Variants in NAALADL2 observed in about 807,000 individuals in gnomAD.
NAALADL2 encodes N-acetylated alpha-linked acidic dipeptidase like 2.
NAALADL2 carries 76 observed loss-of-function variants against 87.2 expected under a neutral mutation model. The observed-to-expected ratio is 0.87, with a 90% CI of 0.72 to 1.05. The LOEUF is 1.05. NAALADL2 is among the 50% of genes least tolerant of loss of function. The pLI is 0.00. For synonymous variants in NAALADL2, 354 were observed against 331.0 expected (o/e 1.07, Z -0.75); for missense variants, 1,089 against 945.8 (o/e 1.15, Z -1.99).
At chr3:175,422,491 C>A (rs1715869837) in intron 5 of NAALADL2, among the ~76,000 whole-genome samples, 1 of 151,924 alleles carries the variant, frequency 6.6e-6, no homozygotes, top group South Asian at 2.1e-4. Context: ...ATCAAAATAA[C>A]CTTACATAAA....
chr3:175,783,854 CT>C (rs1328893540), intron 13 of NAALADL2, among the ~76,000 whole-genome samples: 2 of 146,550 alleles, frequency 1.4e-5, no homozygotes, highest in Non-Finnish European at 2.9e-5. Context: ...ATAGATAGCT[CT>C]TATTATTTTG....
chr3:174,463,871 T>G (rs1716363891), intron 1 of NAALADL2, among the ~76,000 whole-genome samples: 1 of 152,150 alleles, frequency 6.6e-6, no homozygotes. Flanking sequence ...ATGCTGGGAT[T>G]ACAGGTGTGA....
chr3:175,079,578 TACTA>T (rs969278611), intron 1 of NAALADL2: 11 of 152,344 alleles, frequency 7.2e-5, no homozygotes, highest in Admixed American at 2.0e-4. Flanking sequence ...GCATCCAAAT[TACTA>T]ACTATCTGGG....
intron 6 of NAALADL2, 128 bp downstream of exon 6, chr3:175,447,500 T>C: frequency 1.7e-6 from 1 of 595,242 alleles, no homozygotes; most frequent in Non-Finnish European, 2.6e-6. Flanking sequence ...GAAGTGAGCA[T>C]TATTTTCTTC....
chr3:174,803,614 A>C (rs1432021361), intron 3 of NAALADL2, among the ~76,000 whole-genome samples: 1 of 152,138 alleles, frequency 6.6e-6, no homozygotes, highest in Non-Finnish European at 1.5e-5. Context: ...TCTTACATTT[A>C]AGTCTTTAAT....
intron 2 of NAALADL2, among the ~76,000 whole-genome samples, chr3:175,146,215 A>G (rs1426706789): frequency 1.3e-5 from 2 of 152,116 alleles, no homozygotes; most frequent in Non-Finnish European, 2.9e-5. Context: ...CTTCATACAA[A>G]ATAAATTCAA....
At chr3:174,556,010 C>T (rs28505647) in intron 2 of NAALADL2, among the ~76,000 whole-genome samples, 7,001 of 77,456 alleles carry the variant, frequency 0.09, 195 homozygotes, top group Non-Finnish European at 0.11. Context: ...TGTGTGTGTG[C>T]GCGCACGTGA....
intron 5 of NAALADL2, among the ~76,000 whole-genome samples, chr3:175,354,879 T>TACACACACAC (rs879346024): frequency 3.4e-5 from 4 of 116,928 alleles, no homozygotes; most frequent in African/African-American, 1.2e-4. Flanking sequence ...CATACATATA[T>TACACACACAC]ATACACACAC....
intron 1 of NAALADL2, among the ~76,000 whole-genome samples, chr3:174,904,555 A>C (rs1274416557): frequency 1.4e-5 from 2 of 145,402 alleles, no homozygotes; most frequent in Non-Finnish European, 3.0e-5. Flanking sequence ...ACTAATGCCC[A>C]AAACATCAAG....
chr3:174,983,031 C>G (rs1745330260), intron 1 of NAALADL2, among the ~76,000 whole-genome samples: 1 of 152,160 alleles, frequency 6.6e-6, no homozygotes, highest in African/African-American at 2.4e-5. Flanking sequence ...ATCTCCTGAC[C>G]TCGTGATCCG....
chr3:175,802,537 T>C (rs1754293927), intron 13 of NAALADL2, among the ~76,000 whole-genome samples: 1 of 147,374 alleles, frequency 6.8e-6, no homozygotes, highest in African/African-American at 2.7e-5. Flanking sequence ...CCCTGGTCTA[T>C]AGGTTCCCCC....
rs1725285247 is a variant in NAALADL2, at chr3:174,851,686, C to T, written c.-9+113940C>T. On this transcript the variant is annotated intron_variant, in intron 3 of 3. Coordinates refer to the NAALADL2 transcript ENST00000434257. ...GCTTCACTGGAGAATCCTACTCAAA[C>T]TATTTCAGAAAATTTAGGAGGAGGG... Among the ~76,000 whole-genome samples, 3 of 151,984 alleles carry T rather than the reference C, an allele frequency of 2.0e-5. No homozygotes were observed. In the South Asian group the frequency reaches 6.2e-4, roughly 31 times the overall value.
intron 1 of NAALADL2, among the ~76,000 whole-genome samples, chr3:175,040,216 CTG>C (rs1424424903): frequency 2.6e-5 from 4 of 152,150 alleles, no homozygotes; most frequent in Non-Finnish European, 5.9e-5. Flanking sequence ...TTTTAATAAA[CTG>C]GTGTCACTGT....
At chr3:175,116,548 G>A (rs954800288) in intron 2 of NAALADL2, among the ~76,000 whole-genome samples, 1 of 151,944 alleles carries the variant, frequency 6.6e-6, no homozygotes, top group Non-Finnish European at 1.5e-5. Context: ...ACCTCTTCAA[G>A]GAGCACTACA....
chr3:175,079,569 C>G (rs545134876), intron 1 of NAALADL2: 37 of 152,244 alleles, frequency 2.4e-4, no homozygotes, highest in African/African-American at 8.4e-4. Flanking sequence ...TGGATAAAGG[C>G]ATCCAAATTA....
chr3:175,539,687 A>G (rs551207714), intron 9 of NAALADL2, among the ~76,000 whole-genome samples: 8 of 152,188 alleles, frequency 5.3e-5, no homozygotes, highest in Admixed American at 5.2e-4. Flanking sequence ...CAGAATCATA[A>G]TAGGGCTTTA....
At chr3:175,069,419 C>T (rs886950271) in intron 1 of NAALADL2, among the ~76,000 whole-genome samples, 3 of 149,732 alleles carry the variant, frequency 2.0e-5, no homozygotes, top group African/African-American at 5.1e-5. Flanking sequence ...AAATGCTCAC[C>T]ATCACTGGCC....
intron 5 of NAALADL2, among the ~76,000 whole-genome samples, chr3:175,333,329 G>C (rs1460560089): frequency 2.0e-5 from 3 of 152,162 alleles, no homozygotes; most frequent in African/African-American, 7.2e-5. Flanking sequence ...CCCTATTTCT[G>C]GTGAATGTGG....
chr3:174,569,217 A>C (rs1453098351), intron 2 of NAALADL2, among the ~76,000 whole-genome samples: 1 of 151,958 alleles, frequency 6.6e-6, no homozygotes, highest in African/African-American at 2.4e-5. Context: ...TGGAAGAGTA[A>C]TAACGTTTGT....
Sources: gnomAD v4.1 joint callset for allele counts (sites outside exome capture counted in the v4.1 genomes callset) on GRCh38, gnomAD v4.1.1 for gene constraint, MANE v1.5 for transcripts, NCBI Gene and HGNC (gene_info 2026-07-23, HGNC 2026-07-21) for gene names.